The following EPHA5 variants were observed in gnomAD, a reference collection of about 807,000 sequenced individuals.
EPHA5 encodes the protein EPH receptor A5.
EPHA5 carries 60 observed loss-of-function variants against 105.0 expected under a neutral mutation model. That is an observed-to-expected ratio of 0.57 (90% CI 0.46 to 0.71). The LOEUF is 0.71. Among genes scored for constraint, EPHA5 ranks in the 30% least tolerant of loss-of-function variants. The probability of loss-of-function intolerance (pLI) is 0.00; values close to 1 mark genes in which losing one functional copy is unlikely to be tolerated. For missense variants in EPHA5, 1,218 were observed against 1,274.7 expected, an observed-to-expected ratio of 0.96 and a Z score of 0.68; for synonymous variants, 513 against 449.1, an observed-to-expected ratio of 1.14 and a Z score of -1.80.
At chr4:65,388,282 G>T (rs939766770) in intron 8 of EPHA5, among the ~76,000 whole-genome samples, 1 of 151,478 alleles carries the variant, frequency 6.6e-6, no homozygotes, top group Non-Finnish European at 1.5e-5. Flanking sequence ...AAACATACGT[G>T]TGCATGTGTC....
chr4:65,336,863 T>C (rs937582813), intron 14 of EPHA5, among the ~76,000 whole-genome samples: 3 of 152,128 alleles, frequency 2.0e-5, no homozygotes, highest in Admixed American at 6.6e-5. Context: ...TTGTTTATGC[T>C]ACCAAACACA....
rs547059400 is a variant in EPHA5 at position 65,564,355 on chromosome 4, G to A, written c.910+37286C>T. Among the ~76,000 whole-genome samples the A allele has an allele frequency of 5.3e-5, 8 of 151,716 alleles. No individual in the cohort carries two copies. The East Asian group carries it at 1.2e-3, about 22-fold the overall frequency. The stretch of plus-strand genomic sequence containing the variant: ...CTATTAAAGTTTAGGTAATTACTGG[G>A]GTCCTAATTGCTAGAAATTTAAATA... On this transcript the variant is annotated intron_variant, in intron 3 of 16. Coordinates refer to ENST00000613740, the MANE Select transcript of EPHA5 (RefSeq NM_001281766.3).
At chr4:65,574,001 C>A in intron 3 of EPHA5, 2 of 1,596,712 alleles carry the variant, frequency 1.3e-6, no homozygotes, top group Non-Finnish European at 8.6e-7. Flanking sequence ...GACCTCTGGT[C>A]CTCAATCGAG....
chr4:65,452,787 G>A (rs1727192863), intron 5 of EPHA5, among the ~76,000 whole-genome samples: 1 of 152,112 alleles, frequency 6.6e-6, no homozygotes, highest in Non-Finnish European at 1.5e-5. Context: ...AAGATTCATA[G>A]CTAAAAACAG....
chr4:65,381,799 T>A (rs1429157068), intron 8 of EPHA5, among the ~76,000 whole-genome samples: 1 of 151,722 alleles, frequency 6.6e-6, no homozygotes, highest in African/African-American at 2.4e-5. Flanking sequence ...CAGTTTTCTA[T>A]CAAACAGGTT....
intron 1 of EPHA5, among the ~76,000 whole-genome samples, chr4:65,646,816 T>C (rs971837916): frequency 2.0e-5 from 3 of 152,170 alleles, no homozygotes; most frequent in African/African-American, 7.2e-5. Context: ...TAAAATATTT[T>C]AGTCTTATTT....
intron 3 of EPHA5, among the ~76,000 whole-genome samples, chr4:65,565,766 T>C (rs1247001905): frequency 6.6e-6 from 1 of 151,584 alleles, no homozygotes; most frequent in Non-Finnish European, 1.5e-5. Context: ...AATATATATG[T>C]GGCAGTTAAA....
intron 14 of EPHA5, among the ~76,000 whole-genome samples, chr4:65,344,712 A>G (rs1722049593): frequency 6.6e-6 from 1 of 152,164 alleles, no homozygotes. Context: ...TAGAAATGAA[A>G]CCACGCAGTG....
At chr4:65,431,697 C>T (rs1212749908) in intron 5 of EPHA5, among the ~76,000 whole-genome samples, 1 of 152,022 alleles carries the variant, frequency 6.6e-6, no homozygotes, top group Non-Finnish European at 1.5e-5. Context: ...TGGCCAGTGA[C>T]CATACAGCTG....
At chr4:65,533,951 A>AAAAGAAAGAAAG (rs145816997) in intron 3 of EPHA5, among the ~76,000 whole-genome samples, 20 of 149,962 alleles carry the variant, frequency 1.3e-4, no homozygotes, top group African/African-American at 3.9e-4. Context: ...ATAAATAAAT[A>AAAAGAAAGAAAG]AAAGAAAGAA....
intron 3 of EPHA5, among the ~76,000 whole-genome samples, chr4:65,600,008 T>C (rs977462884): frequency 1.3e-5 from 2 of 152,192 alleles, no homozygotes; most frequent in African/African-American, 2.4e-5. Context: ...CTGAATTAAG[T>C]GCTCACATAT....
intron 6 of EPHA5, among the ~76,000 whole-genome samples, chr4:65,417,519 C>G (rs1723503920): frequency 6.6e-6 from 1 of 152,038 alleles, no homozygotes; most frequent in Non-Finnish European, 1.5e-5. Flanking sequence ...ATAATCACTT[C>G]CACCAATATA....
At chr4:65,538,490 G>T (rs1318675187) in intron 3 of EPHA5, among the ~76,000 whole-genome samples, 2 of 151,658 alleles carry the variant, frequency 1.3e-5, no homozygotes, top group African/African-American at 2.4e-5. Context: ...TTGCCCCTTG[G>T]CCTATTAATG....
At chr4:65,484,806 A>G (rs1190453972) in intron 5 of EPHA5, among the ~76,000 whole-genome samples, 1 of 149,960 alleles carries the variant, frequency 6.7e-6, no homozygotes, top group African/African-American at 2.5e-5. Flanking sequence ...AAACATAAAT[A>G]CACACTATTT....
intron 5 of EPHA5, among the ~76,000 whole-genome samples, chr4:65,438,122 C>G (rs1208849018): frequency 1.3e-5 from 2 of 151,860 alleles, no homozygotes; most frequent in Admixed American, 6.6e-5. Context: ...GCTGGCAAAA[C>G]AGCAGTAAAC....
At chr4:65,415,797 C>A (rs1292899323) in intron 6 of EPHA5, among the ~76,000 whole-genome samples, 2 of 151,954 alleles carry the variant, frequency 1.3e-5, no homozygotes, top group South Asian at 4.1e-4. Flanking sequence ...ACGTGTAATG[C>A]TCTTCCATTA....
At chr4:65,506,504 A>T (rs1174497076) in intron 3 of EPHA5, among the ~76,000 whole-genome samples, 1 of 145,252 alleles carries the variant, frequency 6.9e-6, no homozygotes, top group East Asian at 2.1e-4. Context: ...CATCCTCTCC[A>T]GCACCTGTTG....
At chr4:65,615,915 G>A (rs375383250) in intron 2 of EPHA5, among the ~76,000 whole-genome samples, 72 of 151,878 alleles carry the variant, frequency 4.7e-4, no homozygotes, top group African/African-American at 1.7e-3. Context: ...CCATTAAAAG[G>A]AGCAATTTCA....
chr4:65,480,776 T>G (rs1036214797), intron 5 of EPHA5, among the ~76,000 whole-genome samples: 1 of 152,182 alleles, frequency 6.6e-6, no homozygotes, highest in African/African-American at 2.4e-5. Context: ...CTATTCTCAA[T>G]GAGTCTATGA....
Sources: allele counts gnomAD v4.1 joint callset (sites outside exome capture counted in the v4.1 genomes callset), GRCh38; gene constraint gnomAD v4.1.1; transcripts MANE v1.5; gene names NCBI Gene and HGNC (gene_info 2026-07-23, HGNC 2026-07-21).